The following HTR3A variants were observed in gnomAD, a reference collection of about 807,000 sequenced individuals.
HTR3A encodes the protein 5-hydroxytryptamine (serotonin) receptor 3A, ionotropic.
HTR3A carries 45 observed loss-of-function variants against 54.8 expected under a neutral mutation model. That is an observed-to-expected ratio of 0.82 (90% CI 0.65 to 1.05). The LOEUF is 1.05. Among genes scored for constraint, HTR3A ranks in the 50% least tolerant of loss-of-function variants. The pLI, the probability that HTR3A is intolerant of heterozygous loss-of-function variation, is 0.00. For missense variants in HTR3A, 657 were observed against 614.0 expected (o/e 1.07, Z -0.74); for synonymous variants, 297 against 256.0 (o/e 1.16, Z -1.53).
At chr11:113,982,104 A>T (rs899539092) in intron 4 of HTR3A, among the ~76,000 whole-genome samples, 1 of 152,140 alleles carries the variant, frequency 6.6e-6, no homozygotes, top group Admixed American at 6.5e-5. Context: ...TCCAATACGA[A>T]GTGGGTTCCA....
chr11:113,989,461 C>G lies in HTR3A; in HGVS notation c.1139-4C>G, dbSNP rs1444742630. The G allele has an allele frequency of 1.2e-6, 2 of 1,614,008 alleles. No homozygotes were observed. Among genetic ancestry groups the G allele is most frequent in the Non-Finnish European group, 1.7e-6 (2 of 1,180,000 alleles). Reference sequence around the variant, plus strand: ...CTCTTGCCAATGCCCTGCCCTTCTTCCAGCCATGGGAAACCACTGCAGCCA... The same window carrying G: ...CTCTTGCCAATGCCCTGCCCTTCTTGCAGCCATGGGAAACCACTGCAGCCA... On this transcript the variant is annotated splice_region_variant and splice_polypyrimidine_tract_variant and intron_variant, in intron 8 of 8. Coordinates refer to ENST00000504030, the MANE Select transcript of HTR3A (RefSeq NM_000869.6). The surrounding 1 kb of genome is among the most constrained non-coding windows in gnomAD (Gnocchi z 4.4).
Position 113,986,575 on chromosome 11 carries a change from T to C in HTR3A, c.763T>C (p.Phe255Leu). The C allele has an allele frequency of 6.2e-7, 1 of 1,613,440 alleles. No homozygotes were observed. Among genetic ancestry groups the C allele is most frequent in the Non-Finnish European group, 8.5e-7 (1 of 1,180,028 alleles). ...YVVSLLLPSI[F>L]LMVMDIVGFY... is the part of the protein sequence containing the mutation. The stretch of plus-strand genomic sequence containing the variant: ...GGTCAGCCTGCTACTGCCCAGCATC[T>C]TCCTCATGGTCATGGACATCGTGGG... The change falls in exon 7 of 9, where the codon TTC (phenylalanine) becomes CTC (leucine). Residue 255 changes from phenylalanine (F) to leucine (L), a missense_variant. By Grantham distance (22) the Phe-to-Leu change is conservative. Coordinates refer to ENST00000504030, the MANE Select transcript of HTR3A (RefSeq NM_000869.6).
chr11:113,983,089 G>A, intron 4 of HTR3A, 31 bp from the exon 5 acceptor site: 2 of 1,614,014 alleles, frequency 1.2e-6, no homozygotes, highest in East Asian at 2.2e-5. Context: ...TGTCTCTTGA[G>A]CTCCCAAACT....
At position 113,979,109 on chromosome 11, in the gene HTR3A, G is replaced by A. The variant is rs979617143; in HGVS notation, c.220-124G>A. On this transcript the variant is annotated intron_variant, in intron 2 of 8. Transcript: ENST00000504030. Reference sequence around the variant, plus strand: ...ATCTACTTTCCCGACCCCGGCCCCTGCTCTTCACTTTCACTTCCCAAAGCA... The same window carrying A: ...ATCTACTTTCCCGACCCCGGCCCCTACTCTTCACTTTCACTTCCCAAAGCA... The A allele has an allele frequency of 6.3e-6, 5 of 787,984 alleles. No individual in the cohort carries two copies. In the African/African-American group the frequency reaches 6.8e-5, roughly 11 times the overall value. 48.8% of individuals were successfully genotyped at this position (787,984 alleles called of 1,614,324 possible).
In HTR3A at chr11:113,977,413, C is replaced by T. The variant is rs911911788; in HGVS notation, c.68-358C>T. The T allele has an allele frequency of 7.8e-4, 570 of 732,500 alleles. 7 individuals are homozygous for T. Among genetic ancestry groups the T allele is most frequent in the Non-Finnish European group, 1.2e-4 (54 of 445,026 alleles). 45.4% of individuals were successfully genotyped at this position (732,500 alleles called of 1,614,324 possible). A position where few individuals can be genotyped will look rare whatever the true frequency, so the allele number is the denominator to read the frequency against. On this transcript the variant is annotated intron_variant, in intron 1 of 8. Transcript: ENST00000504030. Reference sequence around the variant, plus strand: ...TTTAGTATCATACCCTGAGAGCCAGCTTCCTTGTTGCTCCCCAGAGGCCCT... The same window carrying T: ...TTTAGTATCATACCCTGAGAGCCAGTTTCCTTGTTGCTCCCCAGAGGCCCT...
intron 3 of HTR3A, among the ~76,000 whole-genome samples, chr11:113,980,600 T>C (rs1405890327): frequency 6.6e-6 from 1 of 152,226 alleles, no homozygotes; most frequent in Non-Finnish European, 1.5e-5. Flanking sequence ...AGTGTTTCAT[T>C]GCATACGGCT....
chr11:113,987,950 T>C (rs1004365904), intron 8 of HTR3A, among the ~76,000 whole-genome samples: 7 of 152,254 alleles, frequency 4.6e-5, no homozygotes, highest in African/African-American at 1.2e-4. Context: ...CATGATCACA[T>C]GTAATACTCA....
At position 113,981,188 on chromosome 11, in the gene HTR3A, CTGCTCCTCCCCTAGTACTGGACTGA is replaced by C; in HGVS notation, c.265-12_277del. On this transcript the variant is annotated splice_acceptor_variant and splice_polypyrimidine_tract_variant and coding_sequence_variant and intron_variant, in exon 4 of 9. Transcript: ENST00000504030. LOFTEE classifies it high-confidence loss of function. ...TGGAGGGGGCTGCCTGTGACCATCC[CTGCTCCTCCCCTAGTACTGGACTGA>C]TGAGTTTCTCCAGTGGAACCCTGAG... is the stretch of plus-strand genomic sequence containing the variant. 6.5e-7 allele frequency: 1 copy of C among 1,540,454 alleles called. No individual in the cohort carries two copies. Among genetic ancestry groups the C allele is most frequent in the Non-Finnish European group, 9.0e-7 (1 of 1,112,934 alleles).
At chr11:113,985,210 A>C (rs1015524545) in intron 5 of HTR3A, among the ~76,000 whole-genome samples, 7 of 152,210 alleles carry the variant, frequency 4.6e-5, no homozygotes, top group Non-Finnish European at 1.0e-4. Context: ...TTGCTTTACG[A>C]GTTCGTATTT....
chr11:113,976,286 G>C (rs1161046510), intron 1 of HTR3A, among the ~76,000 whole-genome samples: 1 of 152,028 alleles, frequency 6.6e-6, no homozygotes, highest in Non-Finnish European at 1.5e-5. Context: ...AAGAAACTCT[G>C]TCCCTCCTAG....
chr11:113,984,337 C>T (rs555585135), intron 5 of HTR3A, among the ~76,000 whole-genome samples: 12 of 152,236 alleles, frequency 7.9e-5, no homozygotes, highest in African/African-American at 1.7e-4. Context: ...TAGAAAGGGG[C>T]GGGTGCAGTG....
At position 113,989,881 on chromosome 11, in the gene HTR3A, G is replaced by C; in HGVS notation, c.*118G>C. 1 of 1,146,808 alleles carries C rather than the reference G, an allele frequency of 8.7e-7. No individual in the cohort carries two copies. Among genetic ancestry groups the C allele is most frequent in the Non-Finnish European group, 1.3e-6 (1 of 774,776 alleles). 71.0% of individuals were successfully genotyped at this position (1,146,808 alleles called of 1,614,324 possible). A position where few individuals can be genotyped will look rare whatever the true frequency, so the allele number is the denominator to read the frequency against. On this transcript the variant is annotated 3_prime_UTR_variant, in exon 9 of 9. Transcript: ENST00000504030. The surrounding 1 kb of genome is among the most constrained non-coding windows in gnomAD (Gnocchi z 4.4). Reference sequence around the variant, plus strand: ...GGGACATTTTCAAGACACAGACAAAGTCCCGTGCCCTGTTTCCAATGCCAA... The same window carrying C: ...GGGACATTTTCAAGACACAGACAAACTCCCGTGCCCTGTTTCCAATGCCAA...
rs776176400 is a variant in HTR3A at position 113,986,653 on chromosome 11, C to T, written c.841C>T (p.Leu281Phe). The T allele has an allele frequency of 2.5e-6, 4 of 1,614,176 alleles. No individual in the cohort carries two copies. The highest frequency in any genetic ancestry group is 2.2e-5 in the South Asian group (2 of 91,082). Residue 281 changes from leucine (L) to phenylalanine (F), a missense_variant, in exon 7 of 9, where the codon CTC (leucine) becomes TTC (phenylalanine). Coordinates refer to ENST00000504030, the MANE Select transcript of HTR3A (RefSeq NM_000869.6). ...GERVSFKITL[L>F]LGYSVFLIIV... ...GAGGGTCTCTTTCAAGATTACACTCCTCCTGGGCTACTCGGTCTTCCTGAT... is the reference window on the plus strand; with the variant it reads ...GAGGGTCTCTTTCAAGATTACACTCTTCCTGGGCTACTCGGTCTTCCTGAT...
In HTR3A at chr11:113,989,224, G is replaced by A. The variant is rs1489086460; in HGVS notation, c.1139-241G>A. 6.6e-6 allele frequency among the ~76,000 whole-genome samples: 1 copy of A among 151,222 alleles called. No individual in the cohort carries two copies. The highest frequency in any genetic ancestry group is 2.4e-5 in the African/African-American group (1 of 41,138). On this transcript the variant is annotated intron_variant, in intron 8 of 8. Transcript: ENST00000504030. This position sits in a 1 kb window ranked among gnomAD's most constrained non-coding sequence, Gnocchi z 4.4. ...AAAAAAAAAAAAAAATTAGCCAGGT[G>A]TAGTGGCACGTGCCTGTAATCCCAG...
At chr11:113,980,557 G>A (rs942703833) in intron 3 of HTR3A, among the ~76,000 whole-genome samples, 1 of 152,246 alleles carries the variant, frequency 6.6e-6, no homozygotes, top group Non-Finnish European at 1.5e-5. Flanking sequence ...AGGGGAGAGG[G>A]AGCAGGATAC....
In HTR3A at chr11:113,975,355, C is replaced by T. The variant is rs33940208; in HGVS notation, c.30C>T (p.Leu10=). Residue 10 remains leucine (L), a synonymous_variant, in exon 1 of 9, where the codon CTC becomes CTT. Coordinates refer to ENST00000504030, the MANE Select transcript of HTR3A (RefSeq NM_000869.6). The stretch of plus-strand genomic sequence containing the variant: ...TGCTGTGGGTCCAGCAGGCGCTGCT[C>T]GCCTTGCTCCTCCCCACACTCCTGG... The part of the protein sequence containing the change: MLLWVQQAL[L]ALLLPTLLAQ... 0.036 allele frequency: 57,828 copies of T among 1,613,096 alleles called. 4,155 individuals carry two copies. Among genetic ancestry groups the T allele is most frequent in the Admixed American group, 0.23 (13,581 of 59,924 alleles).
Position 113,989,402 on chromosome 11 carries a change from G to A in HTR3A, c.1139-63G>A, listed in dbSNP as rs1950525305. The stretch of plus-strand genomic sequence containing the variant: ...AATTTACAGGCTATAGAAGCATAAG[G>A]AACCATGTTCAGGTCACCACCCGGG... On this transcript the variant is annotated intron_variant, in intron 8 of 8. Transcript: ENST00000504030. This position sits in a 1 kb window ranked among gnomAD's most constrained non-coding sequence, Gnocchi z 4.4. The A allele has an allele frequency of 1.3e-6, 2 of 1,578,074 alleles. No individual in the cohort carries two copies. Among genetic ancestry groups the A allele is most frequent in the Non-Finnish European group, 1.7e-6 (2 of 1,149,156 alleles).
chr11:113,983,207 G>A lies in HTR3A; in HGVS notation c.462G>A (p.Val154=), dbSNP rs1434738904. 6.2e-7 allele frequency: 1 copy of A among 1,614,228 alleles called. No individual in the cohort carries two copies. The highest frequency in any genetic ancestry group is 1.7e-5 in the Admixed American group (1 of 60,030). ...EVQNYKPLQV[V]TACSLDIYNF... ...AGAACTACAAGCCCCTTCAGGTGGT[G>A]ACTGCCTGTAGCCTCGACATCTACA... The change falls in exon 5 of 9, where the codon GTG becomes GTA. Residue 154 remains valine, a synonymous_variant. Transcript: ENST00000504030.
intron 5 of HTR3A, 45 bp from the exon 6 acceptor site, chr11:113,985,970 T>A (rs753017133): frequency 1.9e-6 from 3 of 1,611,226 alleles, no homozygotes; most frequent in Non-Finnish European, 2.5e-6. Context: ...TCCAGCAGGC[T>A]CTGGGTACTA....
Sources: allele counts gnomAD v4.1 joint callset (sites outside exome capture counted in the v4.1 genomes callset), GRCh38; gene constraint gnomAD v4.1.1; non-coding constraint Gnocchi (gnomAD v3.1); transcripts MANE v1.5; gene names NCBI Gene and HGNC (gene_info 2026-07-23, HGNC 2026-07-21).